The following BDP1 variants were observed in gnomAD, a reference collection of about 807,000 sequenced individuals.
BDP1 encodes the protein BDP1 general transcription factor IIIB subunit, also known as transcription factor TFIIIB component B'' homolog.
BDP1 carries 169 observed loss-of-function variants against 266.6 expected under a neutral mutation model. The observed-to-expected ratio is 0.63, with a 90% CI of 0.56 to 0.72. The LOEUF (loss-of-function observed/expected upper bound fraction) is 0.72, where lower values mean the gene tolerates loss of function less well. Ranked by LOEUF, BDP1 falls within the 30% of genes least tolerant of loss-of-function variation. The pLI is 0.00. For synonymous variants in BDP1, 1,090 were observed against 1,022.4 expected (o/e 1.07, Z -1.26); for missense variants, 3,015 against 3,053.8 (o/e 0.99, Z 0.30).
At chr5:71,560,322 AG>A (rs1743547999) in intron 37 of BDP1, 85 bp downstream of exon 37, 5 of 1,383,282 alleles carry the variant, frequency 3.6e-6, no homozygotes, top group South Asian at 1.5e-5. Flanking sequence ...TCCAGTACTA[AG>A]GATGGTGTTT....
rs78372816 is a variant in BDP1 at position 71,545,932 on chromosome 5, A to G, written c.6744+713A>G. 9.9e-3 allele frequency among the ~76,000 whole-genome samples: 1,505 copies of G among 151,800 alleles called. 18 individuals are homozygous for G. Among genetic ancestry groups the G allele is most frequent in the African/African-American group, 0.034 (1,417 of 41,336 alleles). Reference sequence around the variant, plus strand: ...GGAGGATCGTTTCAGCCTGGGAGGTAGAGGCTGCAGTGAGCTGTGGTCGCC... The same window carrying G: ...GGAGGATCGTTTCAGCCTGGGAGGTGGAGGCTGCAGTGAGCTGTGGTCGCC... On this transcript the variant is annotated intron_variant, in intron 32 of 38. Coordinates refer to ENST00000358731, the MANE Select transcript of BDP1 (RefSeq NM_018429.3).
chr5:71,548,932 T>A (rs1276032031), intron 33 of BDP1, among the ~76,000 whole-genome samples, 187 bp downstream of exon 33: 1 of 152,226 alleles, frequency 6.6e-6, no homozygotes, highest in Non-Finnish European at 1.5e-5. Context: ...ATAAATCTTC[T>A]CCCTAGTATA....
chr5:71,471,539 C>G (rs902784010), intron 7 of BDP1, among the ~76,000 whole-genome samples: 1 of 152,142 alleles, frequency 6.6e-6, no homozygotes, highest in Non-Finnish European at 1.5e-5. Context: ...TTTTCTGATC[C>G]GTTGCTTTCC....
At chr5:71,505,432 T>C (rs1764525603) in intron 16 of BDP1, among the ~76,000 whole-genome samples, 1 of 152,254 alleles carries the variant, frequency 6.6e-6, no homozygotes, top group African/African-American at 2.4e-5. Context: ...TTAAGATTTA[T>C]AAATTTTATT....
At chr5:71,474,080 T>C (rs2315519) in intron 7 of BDP1, among the ~76,000 whole-genome samples, 67,369 of 150,766 alleles carry the variant, frequency 0.45, 15,335 homozygotes, top group South Asian at 0.55. Context: ...CCCGGGTTCA[T>C]GCCATTCTCC....
At chr5:71,476,790 G>A (rs1473302915) in intron 7 of BDP1, among the ~76,000 whole-genome samples, 2 of 152,012 alleles carry the variant, frequency 1.3e-5, no homozygotes, top group Non-Finnish European at 2.9e-5. Flanking sequence ...TGCAAGCTCC[G>A]CCTCCCGGGT....
chr5:71,498,267 T>G (rs1427512271), intron 13 of BDP1, among the ~76,000 whole-genome samples: 3 of 151,844 alleles, frequency 2.0e-5, no homozygotes, highest in Non-Finnish European at 4.4e-5. Context: ...CTGTTTTAAG[T>G]TAGCAAAAAT....
intron 11 of BDP1, among the ~76,000 whole-genome samples, chr5:71,492,138 T>C (rs539561590): frequency 1.3e-4 from 20 of 152,234 alleles, no homozygotes; most frequent in Non-Finnish European, 2.8e-4. Context: ...TTCTAGTACA[T>C]GTATAGACCA....
chr5:71,562,426 A>G lies in BDP1; in HGVS notation c.7649A>G (p.Glu2550Gly). 1 of 1,614,050 alleles carries G rather than the reference A, an allele frequency of 6.2e-7. No homozygotes were observed. Among genetic ancestry groups the G allele is most frequent in the Non-Finnish European group, 8.5e-7 (1 of 1,179,972 alleles). The change falls in exon 38 of 39, where the codon GAA becomes GGA. Residue 2550 changes from glutamate to glycine, a missense_variant. By Grantham distance (98) the Glu-to-Gly change is moderately conservative (BLOSUM62 -2). Coordinates refer to ENST00000358731, the MANE Select transcript of BDP1 (RefSeq NM_018429.3). ...TTGAAAAGATCTAATCCATTCAATG[A>G]AAGCCAGGAAAAAAATCGAGAGTCC... ...KKLKRSNPFN[E>G]SQEKNRESSD... is the part of the protein sequence containing the mutation.
intron 19 of BDP1, among the ~76,000 whole-genome samples, chr5:71,514,384 TAAA>T (rs750354783): frequency 1.3e-5 from 2 of 152,222 alleles, no homozygotes; most frequent in Non-Finnish European, 2.9e-5. Flanking sequence ...ATATGTATTC[TAAA>T]AAGTGAGAGT....
In BDP1 at chr5:71,539,540, A is replaced by G; in HGVS notation, c.5930-17A>G. 1 of 1,572,008 alleles carries G rather than the reference A, an allele frequency of 6.4e-7. No individual in the cohort carries two copies. Among genetic ancestry groups the G allele is most frequent in the Non-Finnish European group, 8.7e-7 (1 of 1,149,988 alleles). On this transcript the variant is annotated splice_polypyrimidine_tract_variant and intron_variant, in intron 27 of 38. Transcript: ENST00000358731. Reference sequence around the variant, plus strand: ...GGATTCATTCTTTTTTTTAATGTTGATATATTTCCTCACAAGGTACCAATG... The same window carrying G: ...GGATTCATTCTTTTTTTTAATGTTGGTATATTTCCTCACAAGGTACCAATG...
Position 71,564,950 on chromosome 5 carries a change from A to G in BDP1, c.*65A>G, listed in dbSNP as rs1208269293. The G allele has an allele frequency of 6.2e-6, 9 of 1,441,556 alleles. No homozygotes were observed. Among genetic ancestry groups the G allele is most frequent in the Non-Finnish European group, 8.5e-6 (9 of 1,061,964 alleles). The allele number at this position is 1,441,556 out of a possible 1,614,324, so 89.3% of individuals were successfully genotyped here. Reference sequence around the variant, plus strand: ...GATTTCCAGAGTCAATTACATCAACAAAACAGTATTTAGAGCAAAATATCA... The same window carrying G: ...GATTTCCAGAGTCAATTACATCAACGAAACAGTATTTAGAGCAAAATATCA... On this transcript the variant is annotated 3_prime_UTR_variant, in exon 39 of 39. Coordinates refer to ENST00000358731, the MANE Select transcript of BDP1 (RefSeq NM_018429.3).
chr5:71,545,192 C>T lies in BDP1; in HGVS notation c.6717C>T (p.Asp2239=). Residue 2239 remains aspartate (D), a synonymous_variant, in exon 32 of 39, where the codon GAC becomes GAT. Transcript: ENST00000358731. The part of the protein sequence containing the change: ...EEPQIKDSKG[D]SVLTLPVPEY... ...CCCAGATAAAGGACTCTAAAGGAGA[C>T]AGTGTGCTTACACTTCCTGTGCCAG... The T allele has an allele frequency of 6.2e-7, 1 of 1,613,288 alleles. No homozygotes were observed. Among genetic ancestry groups the T allele is most frequent in the South Asian group, 1.1e-5 (1 of 91,012 alleles).
chr5:71,535,425 G>A (rs1290425443), intron 26 of BDP1, among the ~76,000 whole-genome samples: 2 of 151,900 alleles, frequency 1.3e-5, no homozygotes, highest in African/African-American at 2.4e-5. Flanking sequence ...GGCTGGTCTC[G>A]AACTTCTGAC....
At chr5:71,515,245 T>C in intron 20 of BDP1, 123 bp downstream of exon 20, 1 of 766,480 alleles carries the variant, frequency 1.3e-6, no homozygotes, top group Non-Finnish European at 2.0e-6. Flanking sequence ...GGTTTAATTT[T>C]ATTGATACAG....
At position 71,562,973 on chromosome 5, in the gene BDP1, CAA is replaced by C. The variant is rs375532920; in HGVS notation, c.7743+455_7743+456del. 6.1e-4 allele frequency: 659 copies of C among 1,081,066 alleles called. 4 individuals are homozygous for C. In the African/African-American group the frequency reaches 0.01, roughly 16 times the overall value. 67.0% of individuals were successfully genotyped at this position (1,081,066 alleles called of 1,614,324 possible). On this transcript the variant is annotated intron_variant, in intron 38 of 38. Coordinates refer to ENST00000358731, the MANE Select transcript of BDP1 (RefSeq NM_018429.3). ...ATATTGGGGTGACTTAAGATCTTGACAAAGAGAAGGCTGGTGAGCATCTGTTG... is the reference window on the plus strand; with the variant it reads ...ATATTGGGGTGACTTAAGATCTTGACAGAGAAGGCTGGTGAGCATCTGTTG...
chr5:71,495,106 C>T, intron 11 of BDP1, 144 bp from the exon 12 acceptor site: 1 of 445,966 alleles, frequency 2.2e-6, no homozygotes, highest in Non-Finnish European at 3.8e-6. Flanking sequence ...CATAGAAAAG[C>T]TAATGTAGCA....
At chr5:71,545,482 T>C in intron 32 of BDP1, 1 of 437,684 alleles carries the variant, frequency 2.3e-6, no homozygotes, top group Non-Finnish European at 4.0e-6. Context: ...CAGGCATGTG[T>C]CACCACAGCC....
Position 71,502,663 on chromosome 5 carries a change from A to G in BDP1, c.2113A>G (p.Arg705Gly). ...QLKALRPVQVRGRLQKPKPNA... is the reference protein window; with the variant it reads ...QLKALRPVQVGGRLQKPKPNA... Reference sequence around the variant, plus strand: ...AAAGGCTTTAAGACCTGTACAAGTGAGGGGCCGATTGCAAAAGCCAAAGCC... The same window carrying G: ...AAAGGCTTTAAGACCTGTACAAGTGGGGGGCCGATTGCAAAAGCCAAAGCC... The change falls in exon 15 of 39, where the codon AGG (arginine) becomes GGG (glycine). Residue 705 changes from arginine to glycine, a missense_variant. Arg to Gly is a moderately radical substitution (Grantham distance 125). Coordinates refer to ENST00000358731, the MANE Select transcript of BDP1 (RefSeq NM_018429.3). The G allele has an allele frequency of 6.2e-7, 1 of 1,614,120 alleles. No homozygotes were observed. Among genetic ancestry groups the G allele is most frequent in the Non-Finnish European group, 8.5e-7 (1 of 1,180,010 alleles).
Sources: allele counts gnomAD v4.1 joint callset (sites outside exome capture counted in the v4.1 genomes callset), GRCh38; gene constraint gnomAD v4.1.1; transcripts MANE v1.5; gene names NCBI Gene and HGNC (gene_info 2026-07-23, HGNC 2026-07-21).